The following ACSL4 variants were observed in gnomAD, a reference collection of about 807,000 sequenced individuals.
The protein encoded by ACSL4 is acyl-CoA synthetase long chain family member 4.
In ACSL4, 9 loss-of-function variants were observed where a neutral mutation model predicts 49.1. That is an observed-to-expected ratio of 0.18 (90% CI 0.11 to 0.32). ACSL4 has a LOEUF of 0.32. Ranked by LOEUF, ACSL4 falls within the 10% of genes least tolerant of loss-of-function variation. The probability of loss-of-function intolerance (pLI) is 1.00; values close to 1 mark genes in which losing one functional copy is unlikely to be tolerated. For missense variants in ACSL4, 333 were observed against 493.7 expected (o/e 0.67, Z 3.08); for synonymous variants, 191 against 170.3 (o/e 1.12, Z -0.95).
rs373733073 is a variant in ACSL4, at chrX:109,661,076, G to T, written c.1697+455C>A. Among the ~76,000 whole-genome samples the T allele has an allele frequency of 1.5e-4, 17 of 111,348 alleles. No homozygotes were observed. In the East Asian group the frequency reaches 4.2e-3, roughly 28 times the overall value. ...AAATGGTTAAGATGGTAAATCTTAC[G>T]TTATATGCTTTTTACCACAATTACA... On this transcript the variant is annotated intron_variant, in intron 14 of 15. Coordinates refer to ENST00000672401, the MANE Select transcript of ACSL4 (RefSeq NM_001318510.2).
chrX:109,708,771 A>G (rs960155726), intron 1 of ACSL4, among the ~76,000 whole-genome samples: 3 of 112,099 alleles, frequency 2.7e-5, no homozygotes, highest in Non-Finnish European at 5.6e-5. Context: ...TGACACACAA[A>G]GGACATTCTC....
chrX:109,730,950 G>C (rs1437898607), intron 1 of ACSL4, among the ~76,000 whole-genome samples: 1 of 111,873 alleles, frequency 8.9e-6, no homozygotes, highest in East Asian at 2.8e-4. Context: ...ACAGGCGTGA[G>C]CCACCACACC....
rs190157038 is a variant in ACSL4, at chrX:109,642,795, T to C, written c.*1234A>G. On this transcript the variant is annotated 3_prime_UTR_variant, in exon 16 of 16. Transcript: ENST00000672401. ...ACATCAGTCCCTTATCAAGTAACTC[T>C]GCCCTTCTCCCAAATCTAGTATTTC... 112 of 111,277 alleles carry C rather than the reference T, an allele frequency of 1.0e-3. No individual in the cohort carries two copies. The highest frequency in any genetic ancestry group is 3.4e-3 in the African/African-American group (104 of 30,613). The allele number at this position is 111,277 out of a possible 1,213,427, so 9.2% of individuals were successfully genotyped here. A position where few individuals can be genotyped will look rare whatever the true frequency, so the allele number is the denominator to read the frequency against.
intron 13 of ACSL4, among the ~76,000 whole-genome samples, chrX:109,662,960 T>G (rs866550942): frequency 8.9e-6 from 1 of 111,827 alleles, no homozygotes; most frequent in Non-Finnish European, 1.9e-5. Context: ...GTGCTGCTAG[T>G]ACTTACGCTA....
chrX:109,705,391 A>G (rs1926275157), intron 1 of ACSL4, among the ~76,000 whole-genome samples: 2 of 112,038 alleles, frequency 1.8e-5, no homozygotes, highest in Admixed American at 1.9e-4. Flanking sequence ...AACCAGTGAG[A>G]TGCCTACTAA....
At chrX:109,654,165 C>T (rs774025503) in intron 15 of ACSL4, among the ~76,000 whole-genome samples, 1 of 109,900 alleles carries the variant, frequency 9.1e-6, no homozygotes, top group Non-Finnish European at 1.9e-5. Flanking sequence ...GCTATTTATG[C>T]ACTGGGACTA....
chrX:109,647,475 C>T (rs1295186028), intron 15 of ACSL4, among the ~76,000 whole-genome samples: 4 of 111,646 alleles, frequency 3.6e-5, no homozygotes, highest in African/African-American at 9.8e-5. Flanking sequence ...TTGAAACCAA[C>T]AAGAACAAAG....
chrX:109,725,489 G>A (rs768162302), intron 1 of ACSL4, among the ~76,000 whole-genome samples: 3 of 111,529 alleles, frequency 2.7e-5, no homozygotes, highest in South Asian at 7.4e-4. Context: ...GATGGCTGGT[G>A]CGGTGGCTCA....
intron 1 of ACSL4, among the ~76,000 whole-genome samples, chrX:109,701,611 T>C (rs1925950454): frequency 1.0e-5 from 1 of 99,720 alleles, no homozygotes; most frequent in African/African-American, 3.7e-5. Flanking sequence ...AGTGGCATGA[T>C]CTCGGCTCAC....
At chrX:109,700,888 C>T (rs1925864814) in intron 1 of ACSL4, among the ~76,000 whole-genome samples, 1 of 108,788 alleles carries the variant, frequency 9.2e-6, no homozygotes, top group African/African-American at 3.4e-5. Context: ...ACTAAAAATA[C>T]AAAAATTAGC....
intron 12 of ACSL4, among the ~76,000 whole-genome samples, chrX:109,665,202 T>C (rs1456568316): frequency 1.8e-5 from 2 of 111,626 alleles, no homozygotes; most frequent in South Asian, 3.7e-4. Context: ...CCTTCAAGTA[T>C]TGTCAAGTTC....
intron 1 of ACSL4, among the ~76,000 whole-genome samples, chrX:109,721,143 C>T (rs1438390585): frequency 2.7e-5 from 3 of 112,142 alleles, no homozygotes; most frequent in African/African-American, 9.7e-5. Context: ...GCTAGTTCTT[C>T]TTTTTCTTCT....
At chrX:109,732,080 T>C (rs1426324109) in intron 1 of ACSL4, among the ~76,000 whole-genome samples, 1 of 112,645 alleles carries the variant, frequency 8.9e-6, no homozygotes, top group Non-Finnish European at 1.9e-5. Flanking sequence ...ACCTTTGATA[T>C]GCTCTAGTTC....
chrX:109,678,705 C>G (rs1923933361), intron 6 of ACSL4, among the ~76,000 whole-genome samples: 1 of 111,944 alleles, frequency 8.9e-6, no homozygotes, highest in African/African-American at 3.2e-5. Flanking sequence ...TGGCATGCAC[C>G]TGCAGTCCTT....
intron 11 of ACSL4, 111 bp from the exon 12 acceptor site, chrX:109,665,605 G>A: frequency 1.6e-6 from 1 of 618,024 alleles, no homozygotes; most frequent in East Asian, 3.4e-5. Context: ...AAAAGAAGGA[G>A]TGCAAAGTGT....
At chrX:109,704,964 A>G (rs1424617242) in intron 1 of ACSL4, among the ~76,000 whole-genome samples, 1 of 111,337 alleles carries the variant, frequency 9.0e-6, no homozygotes, top group East Asian at 2.8e-4. Flanking sequence ...ACACACACAA[A>G]TAACAATACA....
chrX:109,675,515 A>G (rs1923606053), intron 8 of ACSL4, among the ~76,000 whole-genome samples: 2 of 111,604 alleles, frequency 1.8e-5, no homozygotes. Flanking sequence ...AGTAGGTGTG[A>G]ATTTTACTGA....
intron 1 of ACSL4, among the ~76,000 whole-genome samples, chrX:109,711,309 C>T (rs1926732108): frequency 8.9e-6 from 1 of 112,087 alleles, no homozygotes; most frequent in African/African-American, 3.2e-5. Context: ...GTACCAGACA[C>T]AGACCATTCC....
chrX:109,725,679 ACAGT>A, intron 1 of ACSL4, among the ~76,000 whole-genome samples: 1 of 110,434 alleles, frequency 9.1e-6, no homozygotes, highest in East Asian at 2.8e-4. Flanking sequence ...GGTGGAGCTT[ACAGT>A]GAGCCGAGAT....
Sources: allele counts gnomAD v4.1 joint callset (sites outside exome capture counted in the v4.1 genomes callset), GRCh38; gene constraint gnomAD v4.1.1; transcripts MANE v1.5; gene names NCBI Gene and HGNC (gene_info 2026-07-23, HGNC 2026-07-21).